Variants in LILRA4 observed in about 807,000 individuals in gnomAD.
LILRA4 encodes leukocyte immunoglobulin like receptor A4.
In LILRA4, 51 loss-of-function variants were observed where a neutral mutation model predicts 49.5. The observed-to-expected ratio is 1.03, with a 90% CI of 0.82 to 1.30. The LOEUF (loss-of-function observed/expected upper bound fraction) is 1.30, where lower values mean the gene tolerates loss of function less well. LILRA4 is among the 50% of genes most tolerant of loss of function. The probability of loss-of-function intolerance (pLI) is 0.00; values close to 1 mark genes in which losing one functional copy is unlikely to be tolerated. For synonymous variants in LILRA4, 272 were observed against 265.6 expected (o/e 1.02, Z -0.23); for missense variants, 624 against 625.6 (o/e 1.00, Z 0.03).
intron 3 of LILRA4, 78 bp downstream of exon 3, chr19:54,338,318 G>GT: frequency 3.1e-6 from 5 of 1,597,024 alleles, no homozygotes; most frequent in Non-Finnish European, 4.3e-6. Context: ...TGTGAGAAGG[G>GT]AGACCCCTCG....
Position 54,339,045 on chromosome 19 carries a change from C to T in LILRA4, c.34+15G>A, listed in dbSNP as rs377681130. ...TCCTAGACTAGGGTCTCTCCTCCCCCTCTTAAGATCTCACCAAAGAAGAGC... is the reference window on the plus strand; with the variant it reads ...TCCTAGACTAGGGTCTCTCCTCCCCTTCTTAAGATCTCACCAAAGAAGAGC... On this transcript the variant is annotated intron_variant, in intron 1 of 7. Coordinates refer to ENST00000291759, the MANE Select transcript of LILRA4 (RefSeq NM_012276.5). 3.1e-6 allele frequency: 5 copies of T among 1,614,028 alleles called. No individual in the cohort carries two copies. The Admixed American group carries it at 5.0e-5, about 16-fold the overall frequency.
In LILRA4 at chr19:54,336,833, G is replaced by T; in HGVS notation, c.1255+8C>A. 3.1e-6 allele frequency: 5 copies of T among 1,612,626 alleles called. No individual in the cohort carries two copies. Among genetic ancestry groups the T allele is most frequent in the East Asian group, 2.2e-5 (1 of 44,876 alleles). ...TGAGCTCAGAGTGGACAGGGTCAGC[G>T]CCCTCACCTGAGACCACGAGCTCCA... On this transcript the variant is annotated splice_region_variant and intron_variant, in intron 6 of 7. Coordinates refer to ENST00000291759, the MANE Select transcript of LILRA4 (RefSeq NM_012276.5).
In LILRA4 at chr19:54,333,629, T is replaced by C. The variant is rs769939205; in HGVS notation, c.1443A>G (p.Ala481=). 3.1e-6 allele frequency: 5 copies of C among 1,614,164 alleles called. No homozygotes were observed. Among genetic ancestry groups the C allele is most frequent in the Admixed American group, 1.7e-5 (1 of 60,016 alleles). ...AGGGTGCATTGTCCTTTCTGCTGTT[T>C]GCCTCCTGGCTGCACCTTGGGGGGC... ...QRSPPRCSQE[A]NSRKDNAPFR... is the part of the protein sequence containing the mutation. The change falls in exon 8 of 8, where the codon GCA becomes GCG. Residue 481 remains alanine (A), a synonymous_variant. Transcript: ENST00000291759.
intron 6 of LILRA4, 170 bp downstream of exon 6, chr19:54,336,671 G>C (rs2081326115): frequency 1.9e-6 from 2 of 1,047,184 alleles, no homozygotes; most frequent in Admixed American, 5.7e-5. Context: ...GAACTCTCCT[G>C]GGGGCAGGGC....
chr19:54,334,806 A>T lies in LILRA4; in HGVS notation c.1256-841T>A, dbSNP rs2081306048. On this transcript the variant is annotated intron_variant, in intron 6 of 7. Transcript: ENST00000291759. ...ACGGTGAAACCCCATCTCTACTAAAAATACAAAAAAAAAAAAAAATTAGCC... is the reference window on the plus strand; with the variant it reads ...ACGGTGAAACCCCATCTCTACTAAATATACAAAAAAAAAAAAAAATTAGCC... 4.0e-5 allele frequency: 4 copies of T among 100,368 alleles called. No individual in the cohort carries two copies. In the Admixed American group the frequency reaches 4.2e-4, roughly 10 times the overall value. The allele number at this position is 100,368 out of a possible 1,614,324, so 6.2% of individuals were successfully genotyped here. A position where few individuals can be genotyped will look rare whatever the true frequency, so the allele number is the denominator to read the frequency against.
chr19:54,337,531 C>T lies in LILRA4; in HGVS notation c.821G>A (p.Gly274Glu), dbSNP rs758823341. 5 of 1,613,120 alleles carry T rather than the reference C, an allele frequency of 3.1e-6. No individual in the cohort carries two copies. Among genetic ancestry groups the T allele is most frequent in the Non-Finnish European group, 4.2e-6 (5 of 1,179,888 alleles). The change falls in exon 5 of 8, where the codon GGG becomes GAG. Residue 274 changes from glycine (G) to glutamate (E), a missense_variant. Physicochemically the swap from Gly to Glu is moderately conservative, Grantham distance 98. Transcript: ENST00000291759. ...PQRPGRQPQAGLSQANFTLSP... is the reference protein window; with the variant it reads ...PQRPGRQPQAELSQANFTLSP... ...CAGGGTGAAGTTGGCCTGGGAGAGC[C>T]CAGCCTGGGGCTGCCGGCCAGGGCG...
rs1428591625 is a variant in LILRA4, at chr19:54,338,337, G to C, written c.355+59C>G. The C allele has an allele frequency of 8.1e-6, 13 of 1,606,356 alleles. No homozygotes were observed. The South Asian group carries it at 1.0e-4, about 12-fold the overall frequency. The stretch of plus-strand genomic sequence containing the variant: ...AGAAGGGAGACCCCTCGAGAGCTGA[G>C]AGCCGACCCCCTTCCCGAGGGCAGA... On this transcript the variant is annotated intron_variant, in intron 3 of 7. Transcript: ENST00000291759.
In LILRA4 at chr19:54,337,211, C is replaced by A. The variant is rs188405413; in HGVS notation, c.953-68G>T. ...CTGAGCTGAGACCTCCCCACCAGTC[C>A]TCTCCCTGGGACCCTCAGTCTGTCC... On this transcript the variant is annotated intron_variant, in intron 5 of 7. Transcript: ENST00000291759. 1,750 of 1,535,488 alleles carry A rather than the reference C, an allele frequency of 1.1e-3. 17 individuals are homozygous for A. Among genetic ancestry groups the A allele is most frequent in the Admixed American group, 3.9e-4 (20 of 51,756 alleles).
In LILRA4 at chr19:54,333,898, A is replaced by T; in HGVS notation, c.1306+17T>A. On this transcript the variant is annotated intron_variant, in intron 7 of 7. Transcript: ENST00000291759. ...CTCTGTGCCCAGCCCCATAACTGGG[A>T]GAATCTCCTCACTCACCAGTCTTGG... is the stretch of plus-strand genomic sequence containing the variant. 1.2e-6 allele frequency: 2 copies of T among 1,613,480 alleles called. No individual in the cohort carries two copies. Among genetic ancestry groups the T allele is most frequent in the Non-Finnish European group, 1.7e-6 (2 of 1,179,420 alleles).
In LILRA4 at chr19:54,338,643, A is replaced by G. The variant is rs747876917; in HGVS notation, c.108T>C (p.Gly36=). ...CGGGGTTATGCCAGGTGATCACGGGACCTGGCTCGGCCCACAGGATGGGTT... is the reference window on the plus strand; with the variant it reads ...CGGGGTTATGCCAGGTGATCACGGGGCCTGGCTCGGCCCACAGGATGGGTT... The part of the protein sequence containing the change: ...LLKPILWAEP[G]PVITWHNPVT... The change falls in exon 3 of 8, where the codon GGT becomes GGC. Residue 36 remains glycine (G), a synonymous_variant. Coordinates refer to ENST00000291759, the MANE Select transcript of LILRA4 (RefSeq NM_012276.5). 4 of 1,613,558 alleles carry G rather than the reference A, an allele frequency of 2.5e-6. No individual in the cohort carries two copies. In the East Asian group the frequency reaches 6.7e-5, roughly 27 times the overall value.
intron 6 of LILRA4, chr19:54,335,070 T>A (rs925285193): frequency 6.6e-6 from 1 of 152,202 alleles, no homozygotes; most frequent in African/African-American, 2.4e-5. Flanking sequence ...ATTGAATACT[T>A]GAATATATGT....
At position 54,337,151 on chromosome 19, in the gene LILRA4, A is replaced by G. The variant is rs1164858902; in HGVS notation, c.953-8T>C. The G allele has an allele frequency of 1.1e-5, 17 of 1,605,078 alleles. No homozygotes were observed. The highest frequency in any genetic ancestry group is 1.4e-5 in the Non-Finnish European group (16 of 1,174,362). ...GTCTGTCAGAGATCTGTCCTGGAGAAAAGAAGGACGGGTGAGGGGCTGCCC... is the reference window on the plus strand; with the variant it reads ...GTCTGTCAGAGATCTGTCCTGGAGAGAAGAAGGACGGGTGAGGGGCTGCCC... On this transcript the variant is annotated splice_region_variant and splice_polypyrimidine_tract_variant and intron_variant, in intron 5 of 7. Transcript: ENST00000291759.
In LILRA4 at chr19:54,333,965, C is replaced by A; in HGVS notation, c.1256G>T (p.Gly419Val). The A allele has an allele frequency of 6.2e-7, 1 of 1,613,598 alleles. No individual in the cohort carries two copies. The highest frequency in any genetic ancestry group is 8.5e-7 in the Non-Finnish European group (1 of 1,179,520). Residue 419 changes from glycine (G) to valine (V), a missense_variant and splice_region_variant, in exon 7 of 8, where the codon GGA becomes GTA. Coordinates refer to ENST00000291759, the MANE Select transcript of LILRA4 (RefSeq NM_012276.5). ...PSEPLELVVSGATETLNPAQK... is the reference protein window; with the variant it reads ...PSEPLELVVSVATETLNPAQK... The stretch of plus-strand genomic sequence containing the variant: ...TGCTGGATTGAGGGTCTCAGTTGCT[C>A]CTAAGAATCAAAGAATAAGGATGTT...
intron 6 of LILRA4, chr19:54,334,502 A>G (rs1381720811): frequency 3.9e-5 from 6 of 153,168 alleles, no homozygotes; most frequent in African/African-American, 1.4e-4. Context: ...CTAATTCTTC[A>G]TATAGTTAGG....
At chr19:54,336,733 A>C in intron 6 of LILRA4, 108 bp downstream of exon 6, 1 of 1,473,476 alleles carries the variant, frequency 6.8e-7, no homozygotes, top group Non-Finnish European at 9.1e-7. Context: ...ATGGAGGAAG[A>C]AGTGGGGCAG....
In LILRA4 at chr19:54,338,130, A is replaced by G; in HGVS notation, c.461T>C (p.Leu154Pro). 1.2e-6 allele frequency: 2 copies of G among 1,614,064 alleles called. No homozygotes were observed. The highest frequency in any genetic ancestry group is 1.7e-6 in the Non-Finnish European group (2 of 1,179,976). ...ASRLGLGRFT[L>P]IEEGDHRLSW... ...GAGCCTGTGGTCTCCTTCCTCAATC[A>G]GAGTGAACCTGCCCAGTCCCAGCCG... Residue 154 changes from leucine (L) to proline (P), a missense_variant, in exon 4 of 8, where the codon CTG (leucine) becomes CCG (proline). Leu to Pro is a moderately conservative substitution (Grantham distance 98). Transcript: ENST00000291759.
rs751544699 is a variant in LILRA4, at chr19:54,338,514, GT to G, written c.236del (p.Asn79ThrfsTer10). The G allele has an allele frequency of 6.2e-7, 1 of 1,614,142 alleles. No homozygotes were observed. The highest frequency in any genetic ancestry group is 1.3e-5 in the African/African-American group (1 of 75,052). ...TGGATGGGATGGAGAGTTTGACCTT[GT>G]TTTCAGACTCCAGTGTTTTTAATAT... ...RHILKTLESE[N>X]KVKLSIPSMM... On this transcript the variant is annotated frameshift_variant, in exon 3 of 8. Transcript: ENST00000291759. LOFTEE classifies it high-confidence loss of function.
At position 54,336,992 on chromosome 19, in the gene LILRA4, T is replaced by A; in HGVS notation, c.1104A>T (p.Arg368Ser). 1 of 1,614,092 alleles carries A rather than the reference T, an allele frequency of 6.2e-7. No individual in the cohort carries two copies. ...GGTACTTATGAGCTCCGTACATTGA[T>A]CTCAGACGCAACGGGGGATGGGCTG... is the stretch of plus-strand genomic sequence containing the variant. Reference protein sequence around the residue: ...EGAAHPPLRLRSMYGAHKYQA... With the variant: ...EGAAHPPLRLSSMYGAHKYQA... The change falls in exon 6 of 8, where the codon AGA becomes AGT. Residue 368 changes from arginine to serine, a missense_variant. Arg to Ser is a moderately radical substitution (Grantham distance 110). Transcript: ENST00000291759.
rs1251964615 is a variant in LILRA4 at position 54,337,479 on chromosome 19, G to A, written c.873C>T (p.Gly291=). ...TLSPVSRSYG[G]QYRCYGAHNV... Reference sequence around the variant, plus strand: ...TGTGTGCGCCGTAGCATCTGTACTGGCCCCCGTAGGAGCGGCTCACAGGGC... The same window carrying A: ...TGTGTGCGCCGTAGCATCTGTACTGACCCCCGTAGGAGCGGCTCACAGGGC... Residue 291 remains glycine (G), a synonymous_variant, in exon 5 of 8, where the codon GGC becomes GGT. Transcript: ENST00000291759. 1 of 1,612,248 alleles carries A rather than the reference G, an allele frequency of 6.2e-7. No homozygotes were observed. Among genetic ancestry groups the A allele is most frequent in the South Asian group, 1.1e-5 (1 of 91,016 alleles).
Sources: allele counts gnomAD v4.1 joint callset, GRCh38; gene constraint gnomAD v4.1.1; transcripts MANE v1.5; gene names NCBI Gene and HGNC (gene_info 2026-07-23, HGNC 2026-07-21).